The following AGBL1 variants were observed in gnomAD, a reference collection of about 807,000 sequenced individuals.
AGBL1 encodes cytosolic carboxypeptidase 4.
AGBL1 carries 130 observed loss-of-function variants against 118.9 expected under a neutral mutation model. The ratio of observed to expected loss-of-function variants is 1.09; its 90% CI spans 0.95 to 1.26. The LOEUF (loss-of-function observed/expected upper bound fraction) is 1.26, where lower values mean the gene tolerates loss of function less well. Among genes scored for constraint, AGBL1 ranks in the 50% most tolerant of loss-of-function variants. The pLI, the probability that AGBL1 is intolerant of heterozygous loss-of-function variation, is 0.00. For missense variants in AGBL1, 1,584 were observed against 1,298.1 expected (o/e 1.22, Z -3.38); for synonymous variants, 555 against 478.9 (o/e 1.16, Z -2.08).
chr15:86,295,636 A>T (rs551046284), intron 17 of AGBL1: 1 of 363,618 alleles, frequency 2.8e-6, no homozygotes, highest in African/African-American at 2.1e-5. Context: ...TGTCCGGCAG[A>T]TGAAATGACA....
At chr15:86,759,463 G>T (rs1320330431) in intron 22 of AGBL1, among the ~76,000 whole-genome samples, 1 of 152,124 alleles carries the variant, frequency 6.6e-6, no homozygotes, top group Non-Finnish European at 1.5e-5. Context: ...AAAGTGCATA[G>T]CATAGTGCTG....
rs778343825 is a variant in AGBL1, at chr15:86,226,452, A to G, written c.526+1501A>G. Among the ~76,000 whole-genome samples, 14 of 152,312 alleles carry G rather than the reference A, an allele frequency of 9.2e-5. No individual in the cohort carries two copies. The East Asian group carries it at 1.9e-3, about 21-fold the overall frequency. ...GATGTTTCATGGGAAGGGAGCCCAG[A>G]GAGCTGAGTAAGGCTGGCTTACTTT... On this transcript the variant is annotated intron_variant, in intron 6 of 22. Transcript: ENST00000614907.
chr15:86,798,094 A>G (rs537680635), intron 22 of AGBL1, among the ~76,000 whole-genome samples: 232 of 152,316 alleles, frequency 1.5e-3, no homozygotes, highest in Non-Finnish European at 1.7e-3. Flanking sequence ...TGAGGCTGTC[A>G]CTGCAGTCCC....
At chr15:86,679,535 C>A (rs1024303487) in intron 22 of AGBL1, among the ~76,000 whole-genome samples, 3 of 151,988 alleles carry the variant, frequency 2.0e-5, no homozygotes, top group Non-Finnish European at 4.4e-5. Flanking sequence ...TGACCATCAG[C>A]TTTGCTTACT....
intron 22 of AGBL1, among the ~76,000 whole-genome samples, chr15:86,708,175 G>C (rs1246895818): frequency 6.6e-6 from 1 of 152,028 alleles, no homozygotes; most frequent in Non-Finnish European, 1.5e-5. Flanking sequence ...TTACATTAGG[G>C]GTTAAAGTTG....
intron 21 of AGBL1, among the ~76,000 whole-genome samples, chr15:86,634,820 T>C (rs377488363): frequency 3.9e-5 from 6 of 152,184 alleles, no homozygotes; most frequent in African/African-American, 1.4e-4. Context: ...ACTCTGGCAA[T>C]AAAAATGTTC....
At position 86,828,427 on chromosome 15, in the gene AGBL1, C is replaced by T. The variant is rs143036834; in HGVS notation, c.3159-78660C>T. Reference sequence around the variant, plus strand: ...ATGGGAAGATTATCCTGAATTATCCCAGTGGGCTGGATGTAATCATACATG... The same window carrying T: ...ATGGGAAGATTATCCTGAATTATCCTAGTGGGCTGGATGTAATCATACATG... On this transcript the variant is annotated intron_variant, in intron 22 of 22. Coordinates refer to ENST00000614907, the MANE Select transcript of AGBL1 (RefSeq NM_001386094.1). Among the ~76,000 whole-genome samples, 1,093 of 151,962 alleles carry T rather than the reference C, an allele frequency of 7.2e-3. 12 individuals are homozygous for T. The highest frequency in any genetic ancestry group is 0.025 in the African/African-American group (1,052 of 41,424).
At chr15:86,511,058 A>G (rs1337460269) in intron 18 of AGBL1, among the ~76,000 whole-genome samples, 1 of 152,112 alleles carries the variant, frequency 6.6e-6, no homozygotes, top group East Asian at 1.9e-4. Context: ...TATCCGACAC[A>G]TAGTAGGTGT....
At chr15:86,623,135 T>A (rs989190598) in intron 21 of AGBL1, among the ~76,000 whole-genome samples, 4 of 152,216 alleles carry the variant, frequency 2.6e-5, no homozygotes, top group African/African-American at 9.6e-5. Context: ...ACTTACCTCC[T>A]GCCTAACAGG....
chr15:86,871,462 A>G (rs1241944478), intron 22 of AGBL1, among the ~76,000 whole-genome samples: 2 of 152,070 alleles, frequency 1.3e-5, no homozygotes, highest in African/African-American at 2.4e-5. Context: ...AACACACAGA[A>G]TCCCCTTCCC....
At chr15:86,491,659 G>A (rs1459315943) in intron 18 of AGBL1, among the ~76,000 whole-genome samples, 1 of 152,008 alleles carries the variant, frequency 6.6e-6, no homozygotes, top group African/African-American at 2.4e-5. Context: ...AATCATTAGG[G>A]GTAGAGAGGT....
At chr15:86,378,703 C>T (rs1453954756) in intron 17 of AGBL1, among the ~76,000 whole-genome samples, 1 of 151,590 alleles carries the variant, frequency 6.6e-6, no homozygotes, top group Non-Finnish European at 1.5e-5. Context: ...TATTATTATA[C>T]CCATTTCACA....
chr15:86,914,290 AG>A lies in AGBL1; in HGVS notation c.*6998del, dbSNP rs1455709346. ...AAGTTATTTTGGGAGGTATTAGAGGAGGAAAAATCTGCCTGTGTTTCTGCTC... is the reference window on the plus strand; with the variant it reads ...AAGTTATTTTGGGAGGTATTAGAGGAGAAAAATCTGCCTGTGTTTCTGCTC... On this transcript the variant is annotated 3_prime_UTR_variant, in exon 23 of 23. Coordinates refer to ENST00000614907, the MANE Select transcript of AGBL1 (RefSeq NM_001386094.1). 1 of 152,206 alleles carries A rather than the reference AG, an allele frequency of 6.6e-6. No homozygotes were observed. Among genetic ancestry groups the A allele is most frequent in the East Asian group, 1.9e-4 (1 of 5,180 alleles). 9.4% of individuals were successfully genotyped at this position (152,206 alleles called of 1,614,324 possible). A position where few individuals can be genotyped will look rare whatever the true frequency, so the allele number is the denominator to read the frequency against.
chr15:87,008,312 A>G (rs1193161431), intron 24 of AGBL1, among the ~76,000 whole-genome samples: 1 of 152,100 alleles, frequency 6.6e-6, no homozygotes, highest in Non-Finnish European at 1.5e-5. Flanking sequence ...ATGACAGTTA[A>G]TATGTCTTAT....
At chr15:86,250,462 G>A (rs1341360124) in intron 7 of AGBL1, among the ~76,000 whole-genome samples, 1 of 137,156 alleles carries the variant, frequency 7.3e-6, no homozygotes, top group African/African-American at 2.8e-5. Context: ...GGAAGTGGAG[G>A]TTGCGATGAG....
At chr15:86,419,596 G>T (rs186834101) in intron 18 of AGBL1, among the ~76,000 whole-genome samples, 1 of 152,014 alleles carries the variant, frequency 6.6e-6, no homozygotes, top group East Asian at 1.9e-4. Context: ...AGTGGTGCAG[G>T]AATGCCAGCA....
At chr15:86,184,055 A>T (rs914181290) in intron 5 of AGBL1, among the ~76,000 whole-genome samples, 5 of 152,204 alleles carry the variant, frequency 3.3e-5, no homozygotes, top group African/African-American at 1.2e-4. Flanking sequence ...ATTCCTTAAG[A>T]CAGAAAGAGA....
chr15:86,334,289 G>A (rs1305486289), intron 17 of AGBL1, among the ~76,000 whole-genome samples: 1 of 152,040 alleles, frequency 6.6e-6, no homozygotes, highest in African/African-American at 2.4e-5. Context: ...CCACCACAAG[G>A]CTCCTAGAAC....
At chr15:86,864,081 C>T (rs1280781254) in intron 22 of AGBL1, among the ~76,000 whole-genome samples, 1 of 152,148 alleles carries the variant, frequency 6.6e-6, no homozygotes, top group Non-Finnish European at 1.5e-5. Context: ...ACTTAGGTAG[C>T]ACAGCTTTGC....
Sources: gnomAD v4.1 joint callset for allele counts (sites outside exome capture counted in the v4.1 genomes callset) on GRCh38, gnomAD v4.1.1 for gene constraint, MANE v1.5 for transcripts, NCBI Gene and HGNC (gene_info 2026-07-23, HGNC 2026-07-21) for gene names.